ZFYVE16: variants seen among roughly 807,000 people sequenced by gnomAD.
ZFYVE16 encodes the protein zinc finger FYVE-type containing 16, also known as zinc finger FYVE domain-containing protein 16.
ZFYVE16 carries 89 observed loss-of-function variants against 138.1 expected under a neutral mutation model. That is an observed-to-expected ratio of 0.64 (90% confidence interval 0.54 to 0.77). ZFYVE16 has a LOEUF of 0.77. Among genes scored for constraint, ZFYVE16 ranks in the 30% least tolerant of loss-of-function variants. ZFYVE16 has a pLI of 0.00. For missense variants in ZFYVE16, 1,793 were observed against 1,786.7 expected (o/e 1.00, Z -0.06); for synonymous variants, 596 against 618.3 (o/e 0.96, Z 0.53).
chr5:80,438,793 C>A lies in ZFYVE16; in HGVS notation c.2108C>A (p.Ser703Tyr). The change falls in exon 4 of 19, where the codon TCT becomes TAT. Residue 703 changes from serine to tyrosine, a missense_variant. By Grantham distance (144) the Ser-to-Tyr change is moderately radical. Coordinates refer to ENST00000505560, the MANE Select transcript of ZFYVE16 (RefSeq NM_001284236.3). ...GCTGATCCACAGGTTAGCTTCAACT[C>A]TAATTACATTGATATAGAAAGTAAT... ...STADPQVSFNSNYIDIESNSE... is the reference protein window; with the variant it reads ...STADPQVSFNYNYIDIESNSE... The A allele has an allele frequency of 6.2e-7, 1 of 1,614,078 alleles. No homozygotes were observed. The highest frequency in any genetic ancestry group is 1.3e-5 in the African/African-American group (1 of 75,030).
rs532973707 is a variant in ZFYVE16, at chr5:80,416,617, A to G, written c.-94+8464A>G. Among the ~76,000 whole-genome samples the G allele has an allele frequency of 9.4e-5, 14 of 149,522 alleles. No homozygotes were observed. The South Asian group carries it at 2.9e-3, about 31-fold the overall frequency. On this transcript the variant is annotated intron_variant, in intron 1 of 18. Coordinates refer to ENST00000505560, the MANE Select transcript of ZFYVE16 (RefSeq NM_001284236.3). Reference sequence around the variant, plus strand: ...CAGTACTGCTCTTTTATTTTGTCCCAGCTTTGGCCTTTGGGAGTTCTTTCA... The same window carrying G: ...CAGTACTGCTCTTTTATTTTGTCCCGGCTTTGGCCTTTGGGAGTTCTTTCA...
At chr5:80,471,654 C>A (rs1196632963) in intron 15 of ZFYVE16, among the ~76,000 whole-genome samples, 2 of 152,190 alleles carry the variant, frequency 1.3e-5, no homozygotes, top group Non-Finnish European at 2.9e-5. Context: ...ATTTCTCAAC[C>A]TGCTGATCTG....
intron 1 of ZFYVE16, among the ~76,000 whole-genome samples, chr5:80,423,637 G>A (rs1447177516): frequency 2.0e-5 from 3 of 152,150 alleles, no homozygotes; most frequent in South Asian, 2.1e-4. Context: ...CCAGGTTCAC[G>A]CCATTCTCCT....
At chr5:80,440,370 A>G in intron 5 of ZFYVE16, 1 of 1,004,012 alleles carries the variant, frequency 1.0e-6, no homozygotes, top group Non-Finnish European at 1.2e-6. Context: ...ACACTTACAG[A>G]TACCTACCAA....
chr5:80,458,132 TTAAA>T (rs751463755), intron 14 of ZFYVE16, among the ~76,000 whole-genome samples: 1 of 152,124 alleles, frequency 6.6e-6, no homozygotes, highest in Non-Finnish European at 1.5e-5. Context: ...AATGTATATG[TTAAA>T]TAGATGATTT....
intron 15 of ZFYVE16, among the ~76,000 whole-genome samples, chr5:80,464,045 T>C (rs1580336336): frequency 6.6e-6 from 1 of 152,198 alleles, no homozygotes; most frequent in East Asian, 1.9e-4. Flanking sequence ...TTTCAAACTT[T>C]CCCACATCTT....
At chr5:80,455,588 T>C (rs1183263826) in intron 11 of ZFYVE16, 104 bp from the exon 12 acceptor site, 4 of 927,700 alleles carry the variant, frequency 4.3e-6, no homozygotes, top group Non-Finnish European at 5.0e-6. Flanking sequence ...TTGAGTGATA[T>C]TTATACATAA....
At chr5:80,427,735 G>C (rs1748323745) in intron 2 of ZFYVE16, among the ~76,000 whole-genome samples, 190 bp downstream of exon 2, 1 of 149,180 alleles carries the variant, frequency 6.7e-6, no homozygotes, top group Non-Finnish European at 1.5e-5. Context: ...AGCACTTTGG[G>C]AGGCTGAGAC....
intron 15 of ZFYVE16, among the ~76,000 whole-genome samples, chr5:80,472,229 C>CT (rs1754454871): frequency 6.6e-6 from 1 of 151,844 alleles, no homozygotes; most frequent in Admixed American, 6.6e-5. Context: ...CTCTTTATCT[C>CT]TTGAGTTCTC....
chr5:80,438,067 C>T lies in ZFYVE16; in HGVS notation c.1382C>T (p.Thr461Ile), dbSNP rs144468152. 8 of 1,613,938 alleles carry T rather than the reference C, an allele frequency of 5.0e-6. No homozygotes were observed. The highest frequency in any genetic ancestry group is 4.4e-5 in the South Asian group (4 of 91,082). ...GACAGAAAGATAGATCCTGACCAGA[C>T]AGTAATCAGAGCTGAGTCTTTGGAT... ...MEDRKIDPDQ[T>I]VIRAESLDGG... Residue 461 changes from threonine (T) to isoleucine (I), a missense_variant, in exon 4 of 19, where the codon ACA (threonine) becomes ATA (isoleucine). Thr to Ile is a moderately conservative substitution (Grantham distance 89). Transcript: ENST00000505560.
In ZFYVE16 at chr5:80,448,280, T is replaced by G; in HGVS notation, c.2979T>G (p.Ala993=). The change falls in exon 8 of 19, where the codon GCT becomes GCG. Residue 993 remains alanine (A), a synonymous_variant. Transcript: ENST00000505560. ...TAGTTAACAGCAATTTACCTATTGC[T>G]AGTATTTCAGATTATAGGTTACTGT... is the stretch of plus-strand genomic sequence containing the variant. ...GVLVNSNLPI[A]SISDYRLLCD... The G allele has an allele frequency of 6.2e-7, 1 of 1,613,664 alleles. No homozygotes were observed. Among genetic ancestry groups the G allele is most frequent in the East Asian group, 2.2e-5 (1 of 44,830 alleles).
At position 80,437,286 on chromosome 5, in the gene ZFYVE16, A is replaced by G. The variant is rs1171937890; in HGVS notation, c.601A>G (p.Ile201Val). ...DISSELQNRE[I>V]GGIKELGIKV... is the part of the protein sequence containing the mutation. Reference sequence around the variant, plus strand: ...CAGTTCTGAATTACAAAATAGAGAAATCGGAGGAATCAAAGAATTGGGTAT... The same window carrying G: ...CAGTTCTGAATTACAAAATAGAGAAGTCGGAGGAATCAAAGAATTGGGTAT... Residue 201 changes from isoleucine to valine, a missense_variant, in exon 4 of 19, where the codon ATC (isoleucine) becomes GTC (valine). By Grantham distance (29) the Ile-to-Val change is conservative (BLOSUM62 3). This residue lies in a region of ZFYVE16 where 1,295 missense variants were observed against 1,204.3 expected (regional missense o/e 1.08). Transcript: ENST00000505560. 6.2e-7 allele frequency: 1 copy of G among 1,609,082 alleles called. No individual in the cohort carries two copies. The highest frequency in any genetic ancestry group is 8.5e-7 in the Non-Finnish European group (1 of 1,177,378).
chr5:80,466,750 A>T (rs992539723), intron 15 of ZFYVE16, among the ~76,000 whole-genome samples: 2 of 152,214 alleles, frequency 1.3e-5, no homozygotes, highest in Non-Finnish European at 2.9e-5. Flanking sequence ...ACCTCAAAAA[A>T]TACTCTGCCC....
chr5:80,440,875 AATT>A, intron 5 of ZFYVE16: 1 of 985,216 alleles, frequency 1.0e-6, no homozygotes, highest in South Asian at 4.7e-5. Flanking sequence ...ACCTGATAAT[AATT>A]TGTTTTTCTC....
At chr5:80,469,822 CCATCTTTAGT>C (rs942284263) in intron 15 of ZFYVE16, among the ~76,000 whole-genome samples, 3 of 138,488 alleles carry the variant, frequency 2.2e-5, no homozygotes, top group African/African-American at 7.7e-5. Flanking sequence ...TTTTTTTTTG[CCATCTTTAGT>C]CTACTATTAA....
intron 4 of ZFYVE16, among the ~76,000 whole-genome samples, chr5:80,439,640 C>T (rs1750436915): frequency 6.6e-6 from 1 of 151,986 alleles, no homozygotes; most frequent in South Asian, 2.1e-4. Flanking sequence ...CTACAGAGAA[C>T]TTTTTAATAT....
intron 15 of ZFYVE16, among the ~76,000 whole-genome samples, chr5:80,464,417 C>T (rs1561323581): frequency 6.6e-6 from 1 of 152,116 alleles, no homozygotes; most frequent in East Asian, 1.9e-4. Flanking sequence ...ATCAGAAGAA[C>T]AGCATGGAGG....
In ZFYVE16 at chr5:80,437,107, A is replaced by G. The variant is rs752392913; in HGVS notation, c.422A>G (p.Asn141Ser). Residue 141 changes from asparagine to serine, a missense_variant, in exon 4 of 19, where the codon AAT becomes AGT. Around this residue, in one of 2 missense-constraint regions of ZFYVE16, gnomAD observed 1,295 missense variants for 1,204.3 expected, o/e 1.08. Coordinates refer to ENST00000505560, the MANE Select transcript of ZFYVE16 (RefSeq NM_001284236.3). ...SDMGNLVHAT[N>S]SEEDIKKLLP... is the part of the protein sequence containing the mutation. ...ATGGGTAACTTAGTTCATGCAACCA[A>G]TAGTGAAGAAGATATTAAAAAATTA... 6.2e-6 allele frequency: 10 copies of G among 1,613,960 alleles called. No individual in the cohort carries two copies. The highest frequency in any genetic ancestry group is 3.3e-5 in the Admixed American group (2 of 59,988).
intron 15 of ZFYVE16, among the ~76,000 whole-genome samples, chr5:80,464,212 C>T (rs1466664158): frequency 6.6e-6 from 1 of 152,018 alleles, no homozygotes; most frequent in African/African-American, 2.4e-5. Context: ...TAAGGACATA[C>T]CCGAGACTGG....
Sources: gnomAD v4.1 joint callset for allele counts (sites outside exome capture counted in the v4.1 genomes callset) on GRCh38, gnomAD v4.1.1 for gene constraint, gnomAD v4.1.1 regional missense constraint, MANE v1.5 for transcripts, NCBI Gene and HGNC (gene_info 2026-07-23, HGNC 2026-07-21) for gene names.